Variants in NCKAP5 observed in about 807,000 individuals in gnomAD.
NCKAP5 encodes NCK associated protein 5.
Under a neutral mutation model 167.0 loss-of-function variants are expected in NCKAP5, and 92 were observed. The observed-to-expected ratio is 0.55, with a 90% CI of 0.47 to 0.66. NCKAP5 has a LOEUF of 0.66. Ranked by LOEUF, NCKAP5 falls within the 30% of genes least tolerant of loss-of-function variation. The probability of loss-of-function intolerance (pLI) is 0.00; values close to 1 mark genes in which losing one functional copy is unlikely to be tolerated. For synonymous variants in NCKAP5, 891 were observed against 877.4 expected, an observed-to-expected ratio of 1.02 and a Z score of -0.27; for missense variants, 2,378 against 2,315.0, an observed-to-expected ratio of 1.03 and a Z score of -0.56.
At chr2:132,963,432 C>T (rs923031184) in intron 8 of NCKAP5, among the ~76,000 whole-genome samples, 1 of 152,224 alleles carries the variant, frequency 6.6e-6, no homozygotes, top group Admixed American at 6.5e-5. Flanking sequence ...CACATAGCCT[C>T]TTCCCCCAAG....
intron 4 of NCKAP5, among the ~76,000 whole-genome samples, chr2:133,252,824 A>G (rs567794453): frequency 1.4e-4 from 22 of 152,304 alleles, no homozygotes; most frequent in African/African-American, 5.1e-4. Context: ...TAAATTCATG[A>G]CTTACTTGCA....
chr2:133,190,656 A>C (rs1299408719), intron 5 of NCKAP5, among the ~76,000 whole-genome samples: 1 of 152,222 alleles, frequency 6.6e-6, no homozygotes, highest in Non-Finnish European at 1.5e-5. Flanking sequence ...CCTGACAAAA[A>C]GAAGAAATGG....
At chr2:132,958,765 C>T (rs2076415767) in intron 8 of NCKAP5, among the ~76,000 whole-genome samples, 1 of 152,036 alleles carries the variant, frequency 6.6e-6, no homozygotes, top group Non-Finnish European at 1.5e-5. Flanking sequence ...CTGCTGTCTC[C>T]TTTTTATTTT....
chr2:133,016,101 A>G (rs1054315069), intron 6 of NCKAP5, among the ~76,000 whole-genome samples: 4 of 152,140 alleles, frequency 2.6e-5, no homozygotes, highest in African/African-American at 9.7e-5. Flanking sequence ...ATAAAGAAAG[A>G]AGGAAGAGAG....
At chr2:133,079,015 T>C (rs991435313) in intron 6 of NCKAP5, among the ~76,000 whole-genome samples, 1 of 152,184 alleles carries the variant, frequency 6.6e-6, no homozygotes, top group Non-Finnish European at 1.5e-5. Context: ...CACTAGATTA[T>C]TTCTATTCTC....
chr2:132,984,069 C>A (rs975536762), intron 7 of NCKAP5, among the ~76,000 whole-genome samples: 3 of 152,122 alleles, frequency 2.0e-5, no homozygotes, highest in African/African-American at 7.2e-5. Context: ...CCAGCCAGAG[C>A]AACATAGTGA....
At chr2:133,458,872 G>C (rs1467409090) in intron 3 of NCKAP5, among the ~76,000 whole-genome samples, 1 of 152,128 alleles carries the variant, frequency 6.6e-6, no homozygotes, top group Non-Finnish European at 1.5e-5. Context: ...TTATGAGCTG[G>C]TCTAGGGGGA....
chr2:133,242,587 T>A (rs1297977555), intron 4 of NCKAP5, among the ~76,000 whole-genome samples: 1 of 152,172 alleles, frequency 6.6e-6, no homozygotes, highest in East Asian at 1.9e-4. Flanking sequence ...TTTAACTATA[T>A]TAATGCAAAC....
intron 4 of NCKAP5, among the ~76,000 whole-genome samples, chr2:133,281,053 A>G (rs10496703): frequency 0.14 from 21,227 of 152,224 alleles, 1,479 homozygotes; most frequent in South Asian, 0.15. Flanking sequence ...AATTCTAAGG[A>G]GTCTTCAAGT....
chr2:133,112,473 TAAA>T (rs11333696), intron 6 of NCKAP5, among the ~76,000 whole-genome samples: 2 of 145,754 alleles, frequency 1.4e-5, no homozygotes, highest in South Asian at 2.2e-4. Flanking sequence ...GACTCCGTCT[TAAA>T]AAAAAAAAAA....
chr2:132,987,819 G>A (rs958318966), intron 7 of NCKAP5, among the ~76,000 whole-genome samples: 2 of 152,290 alleles, frequency 1.3e-5, no homozygotes, highest in African/African-American at 4.8e-5. Context: ...TTAAAAGGGT[G>A]CAAAGGATGT....
At chr2:133,273,508 G>A (rs1283205638) in intron 4 of NCKAP5, among the ~76,000 whole-genome samples, 1 of 151,966 alleles carries the variant, frequency 6.6e-6, no homozygotes, top group Admixed American at 6.6e-5. Flanking sequence ...TTAGAAGGGG[G>A]AGGAGGAGAA....
At chr2:133,148,401 C>T (rs747469889) in intron 5 of NCKAP5, among the ~76,000 whole-genome samples, 17 of 152,120 alleles carry the variant, frequency 1.1e-4, no homozygotes, top group Non-Finnish European at 2.5e-4. Context: ...AGCATATCTT[C>T]AGTTCAACTT....
At chr2:133,562,222 CAT>C (rs1272266391) in intron 1 of NCKAP5, among the ~76,000 whole-genome samples, 2 of 151,454 alleles carry the variant, frequency 1.3e-5, no homozygotes, top group Admixed American at 6.6e-5. Flanking sequence ...TATACACACA[CAT>C]ATATATATAC....
rs1683839852 is a variant in NCKAP5, at chr2:132,672,240, G to A, written c.*1049C>T. 1 of 152,494 alleles carries A rather than the reference G, an allele frequency of 6.6e-6. No homozygotes were observed. The highest frequency in any genetic ancestry group is 2.1e-4 in the South Asian group (1 of 4,818). 9.4% of individuals were successfully genotyped at this position (152,494 alleles called of 1,614,324 possible). A position where few individuals can be genotyped will look rare whatever the true frequency, so the allele number is the denominator to read the frequency against. Reference sequence around the variant, plus strand: ...CAGATTTTAATAAAAAGAGCAAGAAGATAAAAATCAAATAATATTCAGGAT... The same window carrying A: ...CAGATTTTAATAAAAAGAGCAAGAAAATAAAAATCAAATAATATTCAGGAT... On this transcript the variant is annotated 3_prime_UTR_variant, in exon 20 of 20. Transcript: ENST00000409261.
chr2:132,780,393 G>A (rs757853579), intron 15 of NCKAP5, among the ~76,000 whole-genome samples: 5 of 152,044 alleles, frequency 3.3e-5, no homozygotes, highest in East Asian at 1.9e-4. Context: ...CTTGTGATCC[G>A]CCCGCCTCAG....
chr2:132,893,746 T>A (rs146822539), intron 8 of NCKAP5, among the ~76,000 whole-genome samples: 1 of 152,322 alleles, frequency 6.6e-6, no homozygotes, highest in East Asian at 1.9e-4. Flanking sequence ...CAGGAGCCCA[T>A]GGGGTGCCCT....
At chr2:132,796,236 C>T (rs1301606301) in intron 12 of NCKAP5, among the ~76,000 whole-genome samples, 1 of 151,838 alleles carries the variant, frequency 6.6e-6, no homozygotes, top group African/African-American at 2.4e-5. Context: ...CAAAGCTAAC[C>T]CCAGCTAGAG....
chr2:133,160,883 G>C (rs2083768117), intron 5 of NCKAP5, among the ~76,000 whole-genome samples: 1 of 152,040 alleles, frequency 6.6e-6, no homozygotes, highest in African/African-American at 2.4e-5. Context: ...ACTGTCTTAT[G>C]CTTACTAAAC....
Sources: gnomAD v4.1 joint callset for allele counts (sites outside exome capture counted in the v4.1 genomes callset) on GRCh38, gnomAD v4.1.1 for gene constraint, MANE v1.5 for transcripts, NCBI Gene and HGNC (gene_info 2026-07-23, HGNC 2026-07-21) for gene names.